Variants in AFF4 observed in about 807,000 individuals in gnomAD.
AFF4 encodes the protein ALF transcription elongation factor 4.
In AFF4, 13 loss-of-function variants were observed where a neutral mutation model predicts 124.8. That is an observed-to-expected ratio of 0.10 (90% CI 0.07 to 0.17). The LOEUF (loss-of-function observed/expected upper bound fraction) is 0.17. Ranked by LOEUF, AFF4 falls within the 10% of genes least tolerant of loss-of-function variation. AFF4 has a pLI of 1.00. For synonymous variants in AFF4, 477 were observed against 496.1 expected (o/e 0.96, Z 0.51); for missense variants, 1,092 against 1,403.8 (o/e 0.78, Z 3.55).
intron 1 of AFF4, chr5:132,937,507 T>C: frequency 5.7e-6 from 1 of 174,784 alleles, no homozygotes; most frequent in South Asian, 1.6e-4. Flanking sequence ...GAACGTAGTA[T>C]TTGAACACAA....
At chr5:132,948,122 C>T (rs2150108646) in intron 1 of AFF4, among the ~76,000 whole-genome samples, 1 of 152,098 alleles carries the variant, frequency 6.6e-6, no homozygotes, top group Admixed American at 6.6e-5. Flanking sequence ...ACGATCTCGG[C>T]TCACTGCAAC....
Position 132,954,708 on chromosome 5 carries a change from T to C in AFF4, c.-5+8551A>G, listed in dbSNP as rs543265270. On this transcript the variant is annotated intron_variant, in intron 1 of 20. Transcript: ENST00000265343. ...GACTACAGGCGCCCGCCACTACGCC[T>C]GGCTAATTTTTTGTATTTTTAGTAG... is the stretch of plus-strand genomic sequence containing the variant. Among the ~76,000 whole-genome samples, 22 of 151,722 alleles carry C rather than the reference T, an allele frequency of 1.5e-4. No individual in the cohort carries two copies. In the East Asian group the frequency reaches 3.9e-3, roughly 27 times the overall value.
chr5:132,958,076 G>A (rs1762000967), intron 1 of AFF4, among the ~76,000 whole-genome samples: 1 of 152,102 alleles, frequency 6.6e-6, no homozygotes, highest in African/African-American at 2.4e-5. Context: ...ATTAAGGAAT[G>A]CGTGTTACTT....
chr5:132,943,142 C>T, intron 1 of AFF4: 1 of 173,248 alleles, frequency 5.8e-6, no homozygotes, highest in Non-Finnish European at 1.3e-5. Flanking sequence ...CTGATTGTTG[C>T]AGCTGGTGAA....
At chr5:132,932,338 A>G (rs1017812207) in intron 3 of AFF4, 116 bp from the exon 4 acceptor site, 7 of 689,320 alleles carry the variant, frequency 1.0e-5, no homozygotes, top group Non-Finnish European at 1.1e-5. Flanking sequence ...AAATCAGTAC[A>G]CTGGTTAGAA....
chr5:132,942,359 A>G (rs1390077256), intron 1 of AFF4, among the ~76,000 whole-genome samples: 2 of 152,224 alleles, frequency 1.3e-5, no homozygotes, highest in African/African-American at 2.4e-5. Context: ...ACAATGGTGA[A>G]GGAGCTTCAA....
intron 17 of AFF4, 125 bp from the exon 18 acceptor site, chr5:132,886,528 C>A: frequency 1.3e-6 from 1 of 776,978 alleles, no homozygotes; most frequent in East Asian, 2.6e-5. Context: ...CAACATTAAC[C>A]GTTAGGCAAA....
At chr5:132,958,172 T>G (rs1410857582) in intron 1 of AFF4, among the ~76,000 whole-genome samples, 1 of 152,088 alleles carries the variant, frequency 6.6e-6, no homozygotes, top group Non-Finnish European at 1.5e-5. Context: ...AGTCCTTCTT[T>G]TACTAGTGTC....
chr5:132,922,563 C>T (rs908628319), intron 5 of AFF4, among the ~76,000 whole-genome samples: 1 of 149,684 alleles, frequency 6.7e-6, no homozygotes, highest in African/African-American at 2.5e-5. Context: ...AGGCGGCTCA[C>T]GAGGTCAAGA....
intron 5 of AFF4, among the ~76,000 whole-genome samples, chr5:132,910,072 A>T (rs1760758342): frequency 6.6e-6 from 1 of 152,232 alleles, no homozygotes; most frequent in South Asian, 2.1e-4. Flanking sequence ...TCTACAACCA[A>T]ATGTTTGGTA....
intron 4 of AFF4, among the ~76,000 whole-genome samples, chr5:132,928,179 G>T (rs1761221279): frequency 6.6e-6 from 1 of 151,788 alleles, no homozygotes; most frequent in African/African-American, 2.4e-5. Context: ...TGTGAAAGTT[G>T]TGAGAATCAA....
intron 20 of AFF4, among the ~76,000 whole-genome samples, chr5:132,882,212 T>C (rs1177437340): frequency 5.9e-5 from 6 of 101,386 alleles, no homozygotes; most frequent in African/African-American, 1.9e-4. Flanking sequence ...AAACCCTGTC[T>C]CAAAAAAAAA....
At chr5:132,950,204 G>C (rs1396566360) in intron 1 of AFF4, among the ~76,000 whole-genome samples, 1 of 152,144 alleles carries the variant, frequency 6.6e-6, no homozygotes, top group Non-Finnish European at 1.5e-5. Context: ...GGCCGGGCGC[G>C]ATGGCTCACG....
In AFF4 at chr5:132,934,954, A is replaced by C. The variant is rs777444736; in HGVS notation, c.124-13T>G. 1.8e-5 allele frequency: 26 copies of C among 1,480,818 alleles called. No individual in the cohort carries two copies. In the East Asian group the frequency reaches 6.1e-4, roughly 35 times the overall value. The allele number at this position is 1,480,818 out of a possible 1,614,324, so 91.7% of individuals were successfully genotyped here. A position where few individuals can be genotyped will look rare whatever the true frequency, so the allele number is the denominator to read the frequency against. On this transcript the variant is annotated splice_polypyrimidine_tract_variant and intron_variant, in intron 2 of 20. Transcript: ENST00000265343. Reference sequence around the variant, plus strand: ...CTTCTTTGCTAGTCTACAAAAAAATAAAATAAAATAAAATTATAAAATGAG... The same window carrying C: ...CTTCTTTGCTAGTCTACAAAAAAATCAAATAAAATAAAATTATAAAATGAG...
intron 1 of AFF4, among the ~76,000 whole-genome samples, chr5:132,952,127 GTTC>G (rs146735639): frequency 1.1e-3 from 162 of 152,290 alleles, no homozygotes; most frequent in African/African-American, 3.8e-3. Context: ...ATGAGTGAGA[GTTC>G]TTCTAGAATA....
intron 5 of AFF4, among the ~76,000 whole-genome samples, chr5:132,911,882 AG>A (rs1760798943): frequency 6.6e-6 from 1 of 152,146 alleles, no homozygotes; most frequent in East Asian, 1.9e-4. Context: ...TACAAAAAAA[AG>A]AATGACAACA....
Position 132,877,139 on chromosome 5 carries a change from T to TA in AFF4, c.*3919dup, listed in dbSNP as rs1759858156. On this transcript the variant is annotated 3_prime_UTR_variant, in exon 21 of 21. Transcript: ENST00000265343. ...GTCTCCCCAAGTTACTTAGGTTTTTTAAAAAACATCATCACAAGCTGCCTA... is the reference window on the plus strand; with the variant it reads ...GTCTCCCCAAGTTACTTAGGTTTTTTAAAAAAACATCATCACAAGCTGCCTA... The TA allele has an allele frequency of 4.8e-6, 1 of 206,318 alleles. No individual in the cohort carries two copies. Among genetic ancestry groups the TA allele is most frequent in the East Asian group, 7.4e-5 (1 of 13,466 alleles). 12.8% of individuals were successfully genotyped at this position (206,318 alleles called of 1,614,324 possible). A position where few individuals can be genotyped will look rare whatever the true frequency, so the allele number is the denominator to read the frequency against.
intron 5 of AFF4, among the ~76,000 whole-genome samples, chr5:132,917,331 A>T (rs905100010): frequency 2.0e-5 from 3 of 152,224 alleles, no homozygotes; most frequent in Admixed American, 1.3e-4. Context: ...ATTCCTAATG[A>T]GAACTCTTAG....
chr5:132,962,241 A>G lies in AFF4; in HGVS notation c.-5+1018T>C, dbSNP rs2150118242. Among the ~76,000 whole-genome samples the G allele has an allele frequency of 1.3e-5, 2 of 152,352 alleles. 1 individual carries two copies. The highest frequency in any genetic ancestry group is 4.1e-4 in the South Asian group (2 of 4,828). ...CGAAGCTTTGCGCTTTTCATATCTGAGCCCGAAAAACAGCACACATTTTAT... is the reference window on the plus strand; with the variant it reads ...CGAAGCTTTGCGCTTTTCATATCTGGGCCCGAAAAACAGCACACATTTTAT... On this transcript the variant is annotated intron_variant, in intron 1 of 20. Transcript: ENST00000265343.
Sources: gnomAD v4.1 joint callset for allele counts (sites outside exome capture counted in the v4.1 genomes callset) on GRCh38, gnomAD v4.1.1 for gene constraint, MANE v1.5 for transcripts, NCBI Gene and HGNC (gene_info 2026-07-23, HGNC 2026-07-21) for gene names.